Variants in PLXNC1 observed in about 807,000 individuals in gnomAD.
PLXNC1 encodes the protein plexin C1.
PLXNC1 carries 75 observed loss-of-function variants against 178.2 expected under a neutral mutation model. The observed-to-expected ratio is 0.42, with a 90% CI of 0.35 to 0.51. PLXNC1 has a LOEUF of 0.51. PLXNC1 is among the 20% of genes least tolerant of loss of function. The pLI is 0.02. For missense variants in PLXNC1, 1,503 were observed against 1,984.4 expected (o/e 0.76, Z 4.61); for synonymous variants, 790 against 779.9 (o/e 1.01, Z -0.22).
chr12:94,188,146 A>G (rs12316859), intron 4 of PLXNC1, among the ~76,000 whole-genome samples: 83,293 of 151,514 alleles, frequency 0.55, 23,855 homozygotes, highest in South Asian at 0.69. Flanking sequence ...GCAGGTGACA[A>G]TGGGTGACTG....
intron 17 of PLXNC1, chr12:94,256,098 G>GCTC (rs1964830228): frequency 6.6e-6 from 1 of 152,052 alleles, no homozygotes; most frequent in Non-Finnish European, 1.5e-5. Flanking sequence ...CTTTTTTGCG[G>GCTC]TATGATGACC....
intron 24 of PLXNC1, among the ~76,000 whole-genome samples, chr12:94,296,194 G>A (rs1261939656): frequency 6.6e-5 from 10 of 151,946 alleles, no homozygotes; most frequent in Admixed American, 4.6e-4. Context: ...ACAGTGTCTC[G>A]CTGTCACCCA....
At chr12:94,270,083 A>C (rs1027082498) in intron 21 of PLXNC1, among the ~76,000 whole-genome samples, 1 of 152,128 alleles carries the variant, frequency 6.6e-6, no homozygotes, top group Non-Finnish European at 1.5e-5. Context: ...TGTTAGGATC[A>C]TTATTTATAT....
At chr12:94,201,932 A>T (rs1963140442) in intron 4 of PLXNC1, among the ~76,000 whole-genome samples, 1 of 151,424 alleles carries the variant, frequency 6.6e-6, no homozygotes, top group African/African-American at 2.4e-5. Context: ...TCGCCCAGCT[A>T]ATTTTTTGTA....
intron 7 of PLXNC1, 56 bp downstream of exon 7, chr12:94,224,371 G>A: frequency 1.0e-6 from 1 of 980,826 alleles, no homozygotes; most frequent in Admixed American, 1.7e-5. Flanking sequence ...TTACTTATTT[G>A]TTTGACTCCT....
At chr12:94,297,267 G>T (rs1249045671) in intron 25 of PLXNC1, 47 bp downstream of exon 25, 16 of 1,613,164 alleles carry the variant, frequency 9.9e-6, no homozygotes, top group Non-Finnish European at 1.3e-5. Flanking sequence ...CATGCCTTCT[G>T]TAGCAAGAGT....
At chr12:94,163,605 G>A (rs761041235) in intron 1 of PLXNC1, among the ~76,000 whole-genome samples, 4 of 152,054 alleles carry the variant, frequency 2.6e-5, no homozygotes, top group Admixed American at 6.5e-5. Context: ...ACTGGGGCCC[G>A]TCGAGGGAGG....
At chr12:94,211,955 G>C (rs1377876257) in intron 5 of PLXNC1, among the ~76,000 whole-genome samples, 1 of 152,212 alleles carries the variant, frequency 6.6e-6, no homozygotes, top group Non-Finnish European at 1.5e-5. Context: ...ATGTGGTGGA[G>C]AAGGAAAGCA....
Position 94,260,319 on chromosome 12 carries a change from A to C in PLXNC1, c.3252-323A>C, listed in dbSNP as rs1287569274. On this transcript the variant is annotated intron_variant, in intron 19 of 30. Transcript: ENST00000258526. The surrounding 1 kb of genome is among the most constrained non-coding windows in gnomAD (Gnocchi z 4.4). Reference sequence around the variant, plus strand: ...GTGATCTGCCTGCTTTAGACTCCTAAAGTGCTGGGATTATAGGCGTGAACC... The same window carrying C: ...GTGATCTGCCTGCTTTAGACTCCTACAGTGCTGGGATTATAGGCGTGAACC... 6.6e-6 allele frequency among the ~76,000 whole-genome samples: 1 copy of C among 152,072 alleles called. No homozygotes were observed.
chr12:94,231,083 C>T (rs1964084738), intron 9 of PLXNC1, among the ~76,000 whole-genome samples: 1 of 152,172 alleles, frequency 6.6e-6, no homozygotes, highest in Non-Finnish European at 1.5e-5. Flanking sequence ...CAGAGAGCCT[C>T]TCTGTGCCCG....
intron 4 of PLXNC1, among the ~76,000 whole-genome samples, chr12:94,203,972 G>A (rs746261996): frequency 1.6e-4 from 25 of 152,204 alleles, no homozygotes; most frequent in South Asian, 1.0e-3. Context: ...TTGTTCACAT[G>A]CGCATGCCCT....
At chr12:94,236,460 A>G (rs1020450120) in intron 9 of PLXNC1, among the ~76,000 whole-genome samples, 1 of 152,236 alleles carries the variant, frequency 6.6e-6, no homozygotes, top group Non-Finnish European at 1.5e-5. Context: ...TTCAAGAAGC[A>G]GGTGTTAGGC....
In PLXNC1 at chr12:94,259,682, G is replaced by C. The variant is rs745740788; in HGVS notation, c.3199G>C (p.Val1067Leu). The C allele has an allele frequency of 1.2e-6, 2 of 1,612,478 alleles. No individual in the cohort carries two copies. Among genetic ancestry groups the C allele is most frequent in the Non-Finnish European group, 1.7e-6 (2 of 1,178,998 alleles). The change falls in exon 19 of 31, where the codon GTT becomes CTT. Residue 1067 changes from valine to leucine, a missense_variant. Val to Leu is a conservative substitution (Grantham distance 32, BLOSUM62 1). Around this residue, in one of 4 missense-constraint regions of PLXNC1, gnomAD observed 639 missense variants for 979.7 expected, o/e 0.65. Transcript: ENST00000258526. ...CCTAATCTGTAATAAAAGCTTTCTT[G>C]TTACTGTCATCCACACCCTTGAAAA... ...DALICNKSFL[V>L]TVIHTLEKQK...
At chr12:94,243,825 C>T (rs1592803297) in intron 11 of PLXNC1, 113 bp from the exon 12 acceptor site, 2 of 490,988 alleles carry the variant, frequency 4.1e-6, no homozygotes, top group East Asian at 3.2e-5. Context: ...AATTTGCTCT[C>T]AAACATAATT....
intron 24 of PLXNC1, among the ~76,000 whole-genome samples, chr12:94,295,878 T>C (rs1967871049): frequency 6.6e-6 from 1 of 152,172 alleles, no homozygotes; most frequent in African/African-American, 2.4e-5. Flanking sequence ...AGCTCTCCTC[T>C]CAGCAGATGA....
chr12:94,206,270 A>T (rs879754413), intron 4 of PLXNC1, among the ~76,000 whole-genome samples: 43 of 149,316 alleles, frequency 2.9e-4, no homozygotes, highest in Admixed American at 1.1e-3. Flanking sequence ...TTTTTTTTTT[A>T]AATCTGTTGG....
At chr12:94,276,133 A>C (rs1965941262) in intron 21 of PLXNC1, among the ~76,000 whole-genome samples, 1 of 152,230 alleles carries the variant, frequency 6.6e-6, no homozygotes, top group African/African-American at 2.4e-5. Context: ...TAAAGACAAT[A>C]GTGCCTTTAG....
At chr12:94,276,892 G>A (rs1966003016) in intron 21 of PLXNC1, 1 of 152,194 alleles carries the variant, frequency 6.6e-6, no homozygotes. Context: ...TCTGTTGTAG[G>A]AGGGAAACTC....
At chr12:94,259,211 CA>C (rs1964931145) in intron 17 of PLXNC1, 125 bp from the exon 18 acceptor site, 1 of 679,988 alleles carries the variant, frequency 1.5e-6, no homozygotes, top group Admixed American at 2.8e-5. Context: ...ACCATAAACC[CA>C]GGGGCGCTTC....
Sources: gnomAD v4.1 joint callset for allele counts (sites outside exome capture counted in the v4.1 genomes callset) on GRCh38, gnomAD v4.1.1 for gene constraint, gnomAD v4.1.1 regional missense constraint, Gnocchi (gnomAD v3.1) non-coding constraint, MANE v1.5 for transcripts, NCBI Gene and HGNC (gene_info 2026-07-23, HGNC 2026-07-21) for gene names.